TIAM1: variants seen among roughly 807,000 people sequenced by gnomAD.
The protein encoded by TIAM1 is TIAM Rac1 associated GEF 1, also known as rho guanine nucleotide exchange factor TIAM1.
In TIAM1, 65 loss-of-function variants were observed where a neutral mutation model predicts 163.5. The observed-to-expected ratio is 0.40, with a 90% CI of 0.33 to 0.49. TIAM1 has a LOEUF of 0.49. Among genes scored for constraint, TIAM1 ranks in the 20% least tolerant of loss-of-function variants. The pLI is 0.77. For synonymous variants in TIAM1, 833 were observed against 810.1 expected (o/e 1.03, Z -0.48); for missense variants, 1,789 against 2,044.7 (o/e 0.87, Z 2.41).
intron 2 of TIAM1, among the ~76,000 whole-genome samples, chr21:31,388,353 G>C: frequency 6.6e-6 from 1 of 151,852 alleles, no homozygotes; most frequent in Non-Finnish European, 1.5e-5. Context: ...TCAAGAGAAA[G>C]TGCAGAGCCG....
chr21:31,408,532 A>C (rs1038557555), intron 2 of TIAM1, among the ~76,000 whole-genome samples: 1 of 152,210 alleles, frequency 6.6e-6, no homozygotes, highest in African/African-American at 2.4e-5. Flanking sequence ...AAATTCCCCA[A>C]ATGCAGAGGA....
At chr21:31,181,058 C>T (rs944630302) in intron 15 of TIAM1, among the ~76,000 whole-genome samples, 7 of 152,188 alleles carry the variant, frequency 4.6e-5, no homozygotes, top group African/African-American at 1.2e-4. Context: ...TTGAACAGAA[C>T]GCTCCTTTTG....
At chr21:31,307,157 C>T (rs967056482) in intron 2 of TIAM1, among the ~76,000 whole-genome samples, 2 of 152,174 alleles carry the variant, frequency 1.3e-5, no homozygotes, top group African/African-American at 4.8e-5. Flanking sequence ...CAAATTACCA[C>T]ATCACTTATT....
chr21:31,264,994 T>C (rs989314333), intron 4 of TIAM1, among the ~76,000 whole-genome samples: 1 of 152,148 alleles, frequency 6.6e-6, no homozygotes, highest in Non-Finnish European at 1.5e-5. Context: ...CATGCAGGAT[T>C]ACTCCACATT....
chr21:31,425,198 T>C (rs975148681), intron 2 of TIAM1, among the ~76,000 whole-genome samples: 2 of 152,188 alleles, frequency 1.3e-5, no homozygotes, highest in East Asian at 3.9e-4. Flanking sequence ...ACGGTGGCCC[T>C]TCCCGGACCC....
chr21:31,466,760 C>A (rs943585034), intron 1 of TIAM1, among the ~76,000 whole-genome samples: 3 of 152,088 alleles, frequency 2.0e-5, no homozygotes, highest in Non-Finnish European at 2.9e-5. Flanking sequence ...TTTCTTCCCG[C>A]GTATAATTGC....
chr21:31,464,632 C>CA (rs2045456233), intron 1 of TIAM1, among the ~76,000 whole-genome samples: 1 of 151,830 alleles, frequency 6.6e-6, no homozygotes, highest in African/African-American at 2.4e-5. Context: ...CACTCGAGGT[C>CA]AGAAGTTCAA....
At chr21:31,469,153 G>C (rs953213853) in intron 1 of TIAM1, among the ~76,000 whole-genome samples, 1 of 139,862 alleles carries the variant, frequency 7.1e-6, no homozygotes, top group Non-Finnish European at 1.5e-5. Context: ...CACGATCATA[G>C]TTCACTGCAG....
upstream of TIAM1, among the ~76,000 whole-genome samples, chr21:31,348,644 C>G (rs2076186709): frequency 6.6e-6 from 1 of 152,166 alleles, no homozygotes; most frequent in Non-Finnish European, 1.5e-5. Flanking sequence ...GATGAAAGGT[C>G]TAAATATGGA....
intron 14 of TIAM1, among the ~76,000 whole-genome samples, chr21:31,182,976 G>C (rs1187684656): frequency 6.6e-6 from 1 of 152,180 alleles, no homozygotes; most frequent in Non-Finnish European, 1.5e-5. Context: ...TTTTGGGGCG[G>C]GGCGAGCGGG....
intron 2 of TIAM1, among the ~76,000 whole-genome samples, chr21:31,291,182 G>T (rs1009643699): frequency 3.3e-5 from 5 of 152,146 alleles, no homozygotes; most frequent in African/African-American, 1.2e-4. Context: ...CTCAGTGTGG[G>T]TGATTTCAGA....
intron 2 of TIAM1, among the ~76,000 whole-genome samples, chr21:31,430,759 T>C (rs549025523): frequency 6.6e-6 from 1 of 152,328 alleles, no homozygotes; most frequent in South Asian, 2.1e-4. Context: ...AAATTCCTTA[T>C]TGTTCTGTAT....
At chr21:31,283,160 G>A (rs1185094080) in intron 2 of TIAM1, among the ~76,000 whole-genome samples, 1 of 152,204 alleles carries the variant, frequency 6.6e-6, no homozygotes. Flanking sequence ...CTATCTGGCT[G>A]GCACTGTGTT....
intron 2 of TIAM1, among the ~76,000 whole-genome samples, chr21:31,288,660 T>C (rs1045851051): frequency 2.0e-5 from 3 of 152,196 alleles, no homozygotes; most frequent in African/African-American, 7.2e-5. Context: ...AGGGAGGATA[T>C]TGGAATGGAG....
intron 2 of TIAM1, among the ~76,000 whole-genome samples, chr21:31,377,033 CT>C (rs35487868): frequency 0.093 from 7,555 of 80,846 alleles, 519 homozygotes; most frequent in African/African-American, 0.25. Context: ...TCATTTTTGT[CT>C]TTTTTTTTTT....
chr21:31,264,033 AT>A (rs2072622797), intron 4 of TIAM1, among the ~76,000 whole-genome samples: 1 of 152,202 alleles, frequency 6.6e-6, no homozygotes, highest in Non-Finnish European at 1.5e-5. Flanking sequence ...TGGGTTTAAA[AT>A]TCAGGGAGTG....
chr21:31,186,396 C>T (rs8132120), intron 14 of TIAM1, among the ~76,000 whole-genome samples: 13 of 152,042 alleles, frequency 8.6e-5, no homozygotes, highest in African/African-American at 3.1e-4. Context: ...ATGCTCTGCT[C>T]CAGGAAGAAC....
intron 1 of TIAM1, among the ~76,000 whole-genome samples, chr21:31,510,903 G>A (rs564881175): frequency 6.6e-6 from 1 of 152,306 alleles, no homozygotes; most frequent in South Asian, 2.1e-4. Context: ...TTGGAGTAGG[G>A]TGGTCCCTGA....
At chr21:31,286,115 T>C (rs922199383) in intron 2 of TIAM1, among the ~76,000 whole-genome samples, 5 of 152,202 alleles carry the variant, frequency 3.3e-5, no homozygotes, top group African/African-American at 1.2e-4. Context: ...TAGGATCCTG[T>C]GTTGCACCAT....
Sources: gnomAD v4.1 joint callset for allele counts (sites outside exome capture counted in the v4.1 genomes callset) on GRCh38, gnomAD v4.1.1 for gene constraint, MANE v1.5 for transcripts, NCBI Gene and HGNC (gene_info 2026-07-23, HGNC 2026-07-21) for gene names.